The following CLOCK variants were observed in gnomAD, a reference collection of about 807,000 sequenced individuals.
CLOCK encodes the protein circadian locomoter output cycles protein kaput.
CLOCK carries 43 observed loss-of-function variants against 118.4 expected under a neutral mutation model. The ratio of observed to expected loss-of-function variants is 0.36; its 90% CI spans 0.28 to 0.47. The LOEUF is 0.47. CLOCK is among the 20% of genes least tolerant of loss of function. CLOCK has a pLI of 1.00. For synonymous variants in CLOCK, 326 were observed against 339.2 expected (o/e 0.96, Z 0.43); for missense variants, 846 against 999.9 (o/e 0.85, Z 2.08).
rs538552268 is a variant in CLOCK, at chr4:55,505,461, C to T, written c.-136+4451G>A. Among the ~76,000 whole-genome samples the T allele has an allele frequency of 1.3e-4, 19 of 151,938 alleles. No individual in the cohort carries two copies. The South Asian group carries it at 4.0e-3, about 32-fold the overall frequency. The stretch of plus-strand genomic sequence containing the variant: ...GGCAGATCGTTAGAGCTCAGGAGTT[C>T]AAGACCAGCCTGGGCAACATGGCAA... On this transcript the variant is annotated intron_variant, in intron 2 of 22. Transcript: ENST00000513440.
chr4:55,473,688 T>C lies in CLOCK; in HGVS notation c.348+2275A>G, dbSNP rs146764382. On this transcript the variant is annotated intron_variant, in intron 7 of 22. Coordinates refer to ENST00000513440, the MANE Select transcript of CLOCK (RefSeq NM_004898.4). ...TTTTGTTTTTTCACAAAGTGAAGGTTTGTAGCAACCCTGGGTCAAGCAAGT... is the reference window on the plus strand; with the variant it reads ...TTTTGTTTTTTCACAAAGTGAAGGTCTGTAGCAACCCTGGGTCAAGCAAGT... 6.6e-3 allele frequency among the ~76,000 whole-genome samples: 1,005 copies of C among 152,326 alleles called. 17 individuals are homozygous for C. The highest frequency in any genetic ancestry group is 0.022 in the African/African-American group (923 of 41,568).
At chr4:55,532,768 G>A (rs1445227611) in intron 1 of CLOCK, among the ~76,000 whole-genome samples, 3 of 151,952 alleles carry the variant, frequency 2.0e-5, no homozygotes, top group Non-Finnish European at 2.9e-5. Flanking sequence ...GATCATTTGA[G>A]CCCAGGAGTT....
intron 9 of CLOCK, among the ~76,000 whole-genome samples, 187 bp from the exon 10 acceptor site, chr4:55,459,448 T>C (rs183737968): frequency 1.1e-3 from 162 of 152,318 alleles, no homozygotes; most frequent in African/African-American, 3.6e-3. Context: ...TTGTCTTTAA[T>C]AGAAAAAATA....
chr4:55,456,490 G>A (rs371997988), intron 11 of CLOCK, among the ~76,000 whole-genome samples, 190 bp from the exon 12 acceptor site: 62 of 151,858 alleles, frequency 4.1e-4, no homozygotes, highest in African/African-American at 1.5e-3. Context: ...GGTGAAACCC[G>A]ATTTCTACTA....
chr4:55,453,245 A>G lies in CLOCK; in HGVS notation c.1131-116T>C, dbSNP rs1161795034. 3 of 875,602 alleles carry G rather than the reference A, an allele frequency of 3.4e-6. No individual in the cohort carries two copies. The African/African-American group carries it at 5.0e-5, about 15-fold the overall frequency. The allele number at this position is 875,602 out of a possible 1,614,324, so 54.2% of individuals were successfully genotyped here. Reference sequence around the variant, plus strand: ...CATCTGTTCATCTAGACTATTTGCTATGTGCTACACAAACCTAAAATATAC... The same window carrying G: ...CATCTGTTCATCTAGACTATTTGCTGTGTGCTACACAAACCTAAAATATAC... On this transcript the variant is annotated intron_variant, in intron 14 of 22. Coordinates refer to ENST00000513440, the MANE Select transcript of CLOCK (RefSeq NM_004898.4).
At chr4:55,462,382 G>T (rs1045353376) in intron 9 of CLOCK, among the ~76,000 whole-genome samples, 1 of 152,146 alleles carries the variant, frequency 6.6e-6, no homozygotes, top group East Asian at 1.9e-4. Context: ...AGCCTCCGGG[G>T]TTCAAGCAAT....
At chr4:55,449,984 A>C (rs1302322847) in intron 16 of CLOCK, 107 bp downstream of exon 16, 14 of 1,360,258 alleles carry the variant, frequency 1.0e-5, no homozygotes. Flanking sequence ...CAGAAATGTA[A>C]AAACTTATAA....
chr4:55,463,685 A>G lies in CLOCK; in HGVS notation c.559T>C (p.Ser187Pro), dbSNP rs1204057040. 4 of 1,612,924 alleles carry G rather than the reference A, an allele frequency of 2.5e-6. No individual in the cohort carries two copies. The African/African-American group carries it at 4.0e-5, about 16-fold the overall frequency. Residue 187 changes from serine to proline, a missense_variant and splice_region_variant, in exon 9 of 23, where the codon TCA becomes CCA. Physicochemically the swap from Ser to Pro is moderately conservative, Grantham distance 74. This residue lies in a region of CLOCK where 246 missense variants were observed against 300.2 expected (regional missense o/e 0.82). Transcript: ENST00000513440. ...TTTTTGCTTAACAGCTACTACTTAC[A>G]TTTTAAATATTCTGGGGTTAATGAA... ...SDSLTPEYLK[S>P]KNQLEFCCHM...
rs980911971 is a variant in CLOCK at position 55,431,078 on chromosome 4, CTT to C, written c.*4335_*4336del. On this transcript the variant is annotated 3_prime_UTR_variant, in exon 23 of 23. Coordinates refer to ENST00000513440, the MANE Select transcript of CLOCK (RefSeq NM_004898.4). The stretch of plus-strand genomic sequence containing the variant: ...GAAATGGTTAACGCCTAAGAATAAA[CTT>C]TATCAAAATGAGTAATTGCAATAAA... 2.0e-5 allele frequency: 3 copies of C among 152,160 alleles called. No individual in the cohort carries two copies. The highest frequency in any genetic ancestry group is 4.4e-5 in the Non-Finnish European group (3 of 68,020). 9.4% of individuals were successfully genotyped at this position (152,160 alleles called of 1,614,324 possible).
intron 3 of CLOCK, among the ~76,000 whole-genome samples, chr4:55,483,105 A>G (rs1429038747): frequency 1.3e-5 from 2 of 152,216 alleles, no homozygotes; most frequent in African/African-American, 4.8e-5. Context: ...CTCAATATTC[A>G]GTATATATTT....
intron 22 of CLOCK, among the ~76,000 whole-genome samples, chr4:55,436,892 C>CCTT (rs1553889205): frequency 1.0e-5 from 1 of 98,366 alleles, no homozygotes; most frequent in East Asian, 3.7e-4. Context: ...TTTGGGATGC[C>CCTT]TTTTTTTTTT....
chr4:55,440,821 G>C (rs1270068113), intron 21 of CLOCK, among the ~76,000 whole-genome samples: 1 of 152,120 alleles, frequency 6.6e-6, no homozygotes, highest in Non-Finnish European at 1.5e-5. Flanking sequence ...CCTCTGCCCA[G>C]AATGCCTCCC....
chr4:55,530,970 C>A (rs1408296078), intron 1 of CLOCK, among the ~76,000 whole-genome samples: 1 of 151,762 alleles, frequency 6.6e-6, no homozygotes, highest in African/African-American at 2.4e-5. Flanking sequence ...AGAGTGATAT[C>A]TCCAGGAAAA....
intron 15 of CLOCK, among the ~76,000 whole-genome samples, chr4:55,451,452 G>A (rs1053827945): frequency 1.3e-5 from 2 of 152,092 alleles, no homozygotes; most frequent in Admixed American, 1.3e-4. Context: ...AGTGCTCCAA[G>A]ACACACCCAT....
At chr4:55,510,701 G>A (rs1729091518) in intron 1 of CLOCK, among the ~76,000 whole-genome samples, 1 of 150,728 alleles carries the variant, frequency 6.6e-6, no homozygotes, top group Admixed American at 6.6e-5. Flanking sequence ...GTATGATCTA[G>A]CCAAATAAAG....
In CLOCK at chr4:55,503,751, A is replaced by G. The variant is rs556699090; in HGVS notation, c.-136+6161T>C. On this transcript the variant is annotated intron_variant, in intron 2 of 22. Transcript: ENST00000513440. ...TTTGTGGGTACTAAAAGTCATGTTC[A>G]CGTTCTTTCTTAACACAATTACTGA... 3.5e-3 allele frequency among the ~76,000 whole-genome samples: 538 copies of G among 152,064 alleles called. 2 individuals are homozygous for G. Among genetic ancestry groups the G allele is most frequent in the African/African-American group, 0.012 (498 of 41,496 alleles).
At chr4:55,473,891 C>A (rs1166870327) in intron 7 of CLOCK, among the ~76,000 whole-genome samples, 1 of 152,180 alleles carries the variant, frequency 6.6e-6, no homozygotes, top group Non-Finnish European at 1.5e-5. Context: ...CACCAACTCA[C>A]TGGCCATTCC....
intron 4 of CLOCK, among the ~76,000 whole-genome samples, chr4:55,482,317 T>A (rs12501636): frequency 0.34 from 51,390 of 152,072 alleles, 9,375 homozygotes; most frequent in East Asian, 0.58. Flanking sequence ...CCCAAGAGTA[T>A]GATGTAAAGA....
Position 55,470,847 on chromosome 4 carries a change from A to T in CLOCK, c.349-41T>A, listed in dbSNP as rs760520388. On this transcript the variant is annotated intron_variant, in intron 7 of 22. Transcript: ENST00000513440. ...ATGATATGTTAAATGAAAAGAAAAAAGTATTTTGCAGGACAGAAATAAAAA... is the reference window on the plus strand; with the variant it reads ...ATGATATGTTAAATGAAAAGAAAAATGTATTTTGCAGGACAGAAATAAAAA... 8.8e-6 allele frequency: 12 copies of T among 1,362,744 alleles called. No individual in the cohort carries two copies. The Admixed American group carries it at 1.8e-4, about 20-fold the overall frequency. 84.4% of individuals were successfully genotyped at this position (1,362,744 alleles called of 1,614,324 possible).
Sources: allele counts gnomAD v4.1 joint callset (sites outside exome capture counted in the v4.1 genomes callset), GRCh38; gene constraint gnomAD v4.1.1; regional missense constraint gnomAD v4.1.1; transcripts MANE v1.5; gene names NCBI Gene and HGNC (gene_info 2026-07-23, HGNC 2026-07-21).